Variants in RAB32 observed in about 807,000 individuals in gnomAD.
RAB32 encodes the protein RAB32, member RAS oncogene family, also known as ras-related protein Rab-32.
Under a neutral mutation model 17.5 loss-of-function variants are expected in RAB32, and 17 were observed. That is an observed-to-expected ratio of 0.97 (90% CI 0.67 to 1.46). RAB32 has a LOEUF of 1.46. Among genes scored for constraint, RAB32 ranks in the 40% most tolerant of loss-of-function variants. The probability of loss-of-function intolerance (pLI) is 0.00; values close to 1 mark genes in which losing one functional copy is unlikely to be tolerated. For missense variants in RAB32, 288 were observed against 284.3 expected (o/e 1.01, Z -0.09); for synonymous variants, 115 against 111.1 (o/e 1.04, Z -0.22).
rs1421698162 is a variant in RAB32, at chr6:146,544,063, C to T, written c.192C>T (p.Leu64=). The change falls in exon 1 of 3, where the codon CTC becomes CTT. Residue 64 remains leucine, a synonymous_variant. Transcript: ENST00000367495. The stretch of plus-strand genomic sequence containing the variant: ...CCACCATCGGGGTGGACTTCGCCCT[C>T]AAGGTCCTCAACTGGGACAGCAGGA... ...YRATIGVDFA[L]KVLNWDSRTL... 8.1e-6 allele frequency: 13 copies of T among 1,613,900 alleles called. No individual in the cohort carries two copies. Among genetic ancestry groups the T allele is most frequent in the African/African-American group, 1.3e-5 (1 of 75,048 alleles).
intron 1 of RAB32, among the ~76,000 whole-genome samples, chr6:146,545,960 G>C (rs188304766): frequency 6.6e-6 from 1 of 152,272 alleles, no homozygotes; most frequent in African/African-American, 2.4e-5. Context: ...CTACGATTGG[G>C]TCCCACTGCT....
chr6:146,545,693 G>A (rs1188458677), intron 1 of RAB32, among the ~76,000 whole-genome samples: 1 of 152,138 alleles, frequency 6.6e-6, no homozygotes, highest in Non-Finnish European at 1.5e-5. Context: ...AAAACCAAAA[G>A]TTCGTTTGAA....
chr6:146,547,140 T>C (rs544540459), intron 1 of RAB32, among the ~76,000 whole-genome samples: 1 of 152,284 alleles, frequency 6.6e-6, no homozygotes, highest in South Asian at 2.1e-4. Flanking sequence ...GATAACACTT[T>C]ACAGAGATCT....
At chr6:146,552,406 T>G (rs1012440403) in intron 2 of RAB32, among the ~76,000 whole-genome samples, 15 of 152,200 alleles carry the variant, frequency 9.9e-5, no homozygotes, top group Non-Finnish European at 2.1e-4. Flanking sequence ...CTATGAAAGA[T>G]GCCTGTAAAT....
chr6:146,550,577 A>C (rs1051259654), intron 2 of RAB32, among the ~76,000 whole-genome samples: 1 of 151,356 alleles, frequency 6.6e-6, no homozygotes, highest in Non-Finnish European at 1.5e-5. Flanking sequence ...GGATCACTTG[A>C]GTCTGGGAGG....
At chr6:146,545,525 A>G (rs989204253) in intron 1 of RAB32, among the ~76,000 whole-genome samples, 11 of 152,176 alleles carry the variant, frequency 7.2e-5, no homozygotes, top group Non-Finnish European at 1.0e-4. Flanking sequence ...AGCTTGTTAC[A>G]TAAGAAAGAG....
chr6:146,544,363 G>A (rs939958557), intron 1 of RAB32, among the ~76,000 whole-genome samples: 1 of 152,108 alleles, frequency 6.6e-6, no homozygotes, highest in Non-Finnish European at 1.5e-5. Context: ...CTCTCCTGAA[G>A]GGAGGCGAGG....
chr6:146,551,850 A>G (rs763685237), intron 2 of RAB32, among the ~76,000 whole-genome samples: 6 of 152,178 alleles, frequency 3.9e-5, no homozygotes, highest in Non-Finnish European at 8.8e-5. Context: ...ACAAGTTTCA[A>G]GTTTGCTCTG....
chr6:146,544,943 T>C (rs937464411), intron 1 of RAB32, among the ~76,000 whole-genome samples: 2 of 152,108 alleles, frequency 1.3e-5, no homozygotes, highest in African/African-American at 4.8e-5. Flanking sequence ...ATTGGAAAGT[T>C]CATAGAAATG....
chr6:146,554,624 C>A lies in RAB32; in HGVS notation c.*19C>A. On this transcript the variant is annotated 3_prime_UTR_variant, in exon 3 of 3. Coordinates refer to ENST00000367495, the MANE Select transcript of RAB32 (RefSeq NM_006834.5). Reference sequence around the variant, plus strand: ...TTGCTGATATATGGCTTCTGCTTCTCTTGTGTGTGCCTCAGCTCTGAAGAA... The same window carrying A: ...TTGCTGATATATGGCTTCTGCTTCTATTGTGTGTGCCTCAGCTCTGAAGAA... 6.2e-7 allele frequency: 1 copy of A among 1,602,952 alleles called. No individual in the cohort carries two copies. Among genetic ancestry groups the A allele is most frequent in the South Asian group, 1.1e-5 (1 of 89,036 alleles).
chr6:146,549,058 T>G (rs1275531249), intron 1 of RAB32, among the ~76,000 whole-genome samples: 1 of 152,214 alleles, frequency 6.6e-6, no homozygotes, highest in Non-Finnish European at 1.5e-5. Context: ...TGTTACCCAC[T>G]GCACTTATCT....
At chr6:146,552,848 G>C (rs1779913846) in intron 2 of RAB32, among the ~76,000 whole-genome samples, 1 of 152,144 alleles carries the variant, frequency 6.6e-6, no homozygotes, top group South Asian at 2.1e-4. Flanking sequence ...GAGATATTTT[G>C]TTGTGCAAGA....
intron 2 of RAB32, among the ~76,000 whole-genome samples, chr6:146,554,076 T>C (rs1386673648): frequency 6.6e-6 from 1 of 152,306 alleles, no homozygotes; most frequent in East Asian, 1.9e-4. Context: ...TCAGTTTTTT[T>C]CACAGTGTAT....
chr6:146,545,200 G>C (rs1199251448), intron 1 of RAB32, among the ~76,000 whole-genome samples: 1 of 151,958 alleles, frequency 6.6e-6, no homozygotes, highest in Non-Finnish European at 1.5e-5. Context: ...CCCTAGGAGA[G>C]GTCAAGGCTT....
At chr6:146,548,786 G>A (rs1779857648) in intron 1 of RAB32, among the ~76,000 whole-genome samples, 1 of 152,194 alleles carries the variant, frequency 6.6e-6, no homozygotes, top group Admixed American at 6.5e-5. Context: ...AATGTACAAA[G>A]CAGATTTTTC....
intron 1 of RAB32, among the ~76,000 whole-genome samples, chr6:146,547,199 T>C (rs966976967): frequency 2.0e-5 from 3 of 152,186 alleles, no homozygotes; most frequent in African/African-American, 7.2e-5. Flanking sequence ...TGATCTTCCT[T>C]TTAATGCTCA....
intron 2 of RAB32, among the ~76,000 whole-genome samples, chr6:146,550,308 A>G (rs191416411): frequency 1.3e-5 from 2 of 152,178 alleles, no homozygotes; most frequent in African/African-American, 2.4e-5. Context: ...TGAATAAAAT[A>G]TTTTCTGAAG....
rs1554329309 is a variant in RAB32, at chr6:146,554,519, A to G, written c.592A>G (p.Ser198Gly). 6.2e-7 allele frequency: 1 copy of G among 1,613,950 alleles called. No individual in the cohort carries two copies. Among genetic ancestry groups the G allele is most frequent in the Non-Finnish European group, 8.5e-7 (1 of 1,179,866 alleles). ...LVEKILVNHQ[S>G]FPNEENDVDK... is the part of the protein sequence containing the mutation. ...GGAGAAGATTCTTGTAAACCACCAA[A>G]GCTTTCCTAATGAAGAAAACGATGT... The change falls in exon 3 of 3, where the codon AGC becomes GGC. Residue 198 changes from serine to glycine, a missense_variant. Ser to Gly is a moderately conservative substitution (Grantham distance 56, BLOSUM62 0). Coordinates refer to ENST00000367495, the MANE Select transcript of RAB32 (RefSeq NM_006834.5).
intron 2 of RAB32, among the ~76,000 whole-genome samples, chr6:146,553,754 T>A (rs1399843878): frequency 2.0e-5 from 3 of 152,196 alleles, no homozygotes. Context: ...TATGTGTGAA[T>A]GGTAGGAATG....
Sources: gnomAD v4.1 joint callset for allele counts (sites outside exome capture counted in the v4.1 genomes callset) on GRCh38, gnomAD v4.1.1 for gene constraint, MANE v1.5 for transcripts, NCBI Gene and HGNC (gene_info 2026-07-23, HGNC 2026-07-21) for gene names.